The following PDE3A variants were observed in gnomAD, a reference collection of about 807,000 sequenced individuals.
PDE3A encodes cGMP-inhibited 3',5'-cyclic phosphodiesterase 3A.
In PDE3A, 43 loss-of-function variants were observed where a neutral mutation model predicts 98.3. That is an observed-to-expected ratio of 0.44 (90% CI 0.34 to 0.56). The LOEUF is 0.56. Among genes scored for constraint, PDE3A ranks in the 20% least tolerant of loss-of-function variants. PDE3A has a pLI of 0.01. For synonymous variants in PDE3A, 663 were observed against 567.9 expected, an observed-to-expected ratio of 1.17 and a Z score of -2.38; for missense variants, 1,427 against 1,440.7, an observed-to-expected ratio of 0.99 and a Z score of 0.15.
chr12:20,372,110 G>A (rs1485768975), intron 1 of PDE3A, among the ~76,000 whole-genome samples: 1 of 152,140 alleles, frequency 6.6e-6, no homozygotes, highest in Non-Finnish European at 1.5e-5. Flanking sequence ...TTAACCAGCA[G>A]CATTCATTTA....
At chr12:20,679,396 T>C (rs138846410) in intron 15 of PDE3A, among the ~76,000 whole-genome samples, 2,428 of 152,128 alleles carry the variant, frequency 0.016, 25 homozygotes, top group Non-Finnish European at 0.022. Flanking sequence ...TACTGGCGCC[T>C]GCCACCACGC....
At chr12:20,563,445 G>C (rs1056350465) in intron 2 of PDE3A, among the ~76,000 whole-genome samples, 1 of 826 alleles carries the variant, frequency 1.2e-3, no homozygotes, top group Admixed American at 0.033. Context: ...CTCATTATTA[G>C]TCTCTCAAAT....
chr12:20,678,161 G>C (rs1945687450), intron 15 of PDE3A, among the ~76,000 whole-genome samples: 1 of 152,152 alleles, frequency 6.6e-6, no homozygotes, highest in South Asian at 2.1e-4. Flanking sequence ...CCAAGGCTAG[G>C]ACTGCAGGAG....
chr12:20,628,360 G>A (rs570473143), intron 5 of PDE3A, among the ~76,000 whole-genome samples: 2 of 152,084 alleles, frequency 1.3e-5, no homozygotes, highest in Non-Finnish European at 2.9e-5. Context: ...AAATAAATGA[G>A]TCTTTTTAAT....
At chr12:20,546,256 G>T (rs1229976446) in intron 1 of PDE3A, among the ~76,000 whole-genome samples, 3 of 151,958 alleles carry the variant, frequency 2.0e-5, no homozygotes, top group Non-Finnish European at 4.4e-5. Flanking sequence ...AATTCTGTTA[G>T]CTTCTTTGGC....
chr12:20,487,663 AAT>A lies in PDE3A; in HGVS notation c.961-68995_961-68994del, dbSNP rs1472501624. The stretch of plus-strand genomic sequence containing the variant: ...GAGAGACTCAGGCTTAAGAAAAAAA[AAT>A]AAATAAATAAAAAAAGTGGTCAGTT... On this transcript the variant is annotated intron_variant, in intron 1 of 15. Coordinates refer to ENST00000359062, the MANE Select transcript of PDE3A (RefSeq NM_000921.5). Among the ~76,000 whole-genome samples the A allele has an allele frequency of 3.4e-3, 437 of 127,418 alleles. 3 individuals are homozygous for A. The Middle Eastern group carries it at 0.037, about 11-fold the overall frequency. The allele number at this position is 127,418 out of a possible 152,430, so 83.6% of individuals were successfully genotyped here.
chr12:20,663,886 A>G (rs1161397474), intron 15 of PDE3A, among the ~76,000 whole-genome samples: 2 of 152,166 alleles, frequency 1.3e-5, no homozygotes, highest in African/African-American at 4.8e-5. Context: ...GAGGGGCAGA[A>G]TAATATGATT....
At chr12:20,521,733 A>C (rs1946431678) in intron 1 of PDE3A, among the ~76,000 whole-genome samples, 1 of 152,106 alleles carries the variant, frequency 6.6e-6, no homozygotes, top group Non-Finnish European at 1.5e-5. Context: ...TCAATAGGGA[A>C]GGTACTAGGT....
chr12:20,390,711 C>T (rs1225513035), intron 1 of PDE3A, among the ~76,000 whole-genome samples: 3 of 151,862 alleles, frequency 2.0e-5, no homozygotes, highest in African/African-American at 7.3e-5. Flanking sequence ...GACCCTGTCT[C>T]CTTGAAGCTG....
At chr12:20,448,766 T>TTTTTTTTTG (rs1945007208) in intron 1 of PDE3A, among the ~76,000 whole-genome samples, 1 of 151,004 alleles carries the variant, frequency 6.6e-6, no homozygotes, top group East Asian at 2.0e-4. Flanking sequence ...TTTTTTTTTT[T>TTTTTTTTTG]TGAGATGGAG....
intron 2 of PDE3A, among the ~76,000 whole-genome samples, chr12:20,579,749 A>C (rs1422682773): frequency 6.6e-6 from 1 of 152,210 alleles, no homozygotes; most frequent in Non-Finnish European, 1.5e-5. Context: ...TCTACTCTGC[A>C]ATCAGCAGTA....
chr12:20,549,496 G>T (rs1389105501), intron 1 of PDE3A, among the ~76,000 whole-genome samples: 2 of 150,900 alleles, frequency 1.3e-5, no homozygotes, highest in African/African-American at 4.9e-5. Flanking sequence ...TAAACACTTT[G>T]TATTCTTCAA....
At chr12:20,419,573 C>G (rs1944477368) in intron 1 of PDE3A, among the ~76,000 whole-genome samples, 1 of 151,642 alleles carries the variant, frequency 6.6e-6, no homozygotes, top group Non-Finnish European at 1.5e-5. Context: ...AAAATAAAGT[C>G]AAGATATGTT....
Position 20,680,278 on chromosome 12 carries a change from A to G in PDE3A, c.*7A>G, listed in dbSNP as rs749581595. On this transcript the variant is annotated 3_prime_UTR_variant, in exon 16 of 16. Transcript: ENST00000359062. The stretch of plus-strand genomic sequence containing the variant: ...CCAAAAGCCAGACCAGTGACAATGG[A>G]TAGAATGGGCTGTGTTTCCAAACAG... The G allele has an allele frequency of 6.2e-7, 1 of 1,613,586 alleles. No individual in the cohort carries two copies. The highest frequency in any genetic ancestry group is 8.5e-7 in the Non-Finnish European group (1 of 1,179,690).
intron 1 of PDE3A, among the ~76,000 whole-genome samples, chr12:20,519,611 A>T (rs927263199): frequency 6.6e-6 from 1 of 152,232 alleles, no homozygotes; most frequent in East Asian, 1.9e-4. Context: ...TATAATTCAG[A>T]CACAGTATGT....
rs543414688 is a variant in PDE3A at position 20,665,923 on chromosome 12, A to T, written c.3184+11718A>T. On this transcript the variant is annotated intron_variant, in intron 15 of 15. Coordinates refer to ENST00000359062, the MANE Select transcript of PDE3A (RefSeq NM_000921.5). ...AAATGTGTAATGATTAAATCAGGAT[A>T]TTTAGAATATCTGTCACCTCGAGTA... is the stretch of plus-strand genomic sequence containing the variant. Among the ~76,000 whole-genome samples the T allele has an allele frequency of 2.1e-5, 3 of 140,814 alleles. 1 individual carries two copies. Among genetic ancestry groups the T allele is most frequent in the South Asian group, 4.6e-4 (2 of 4,342 alleles). 92.4% of individuals were successfully genotyped at this position (140,814 alleles called of 152,430 possible).
At chr12:20,372,404 G>A (rs908048154) in intron 1 of PDE3A, among the ~76,000 whole-genome samples, 2 of 151,984 alleles carry the variant, frequency 1.3e-5, no homozygotes, top group African/African-American at 2.4e-5. Flanking sequence ...TTTAATGAGG[G>A]CATGGGTGAG....
intron 1 of PDE3A, among the ~76,000 whole-genome samples, chr12:20,464,454 G>A (rs78696983): frequency 0.14 from 21,450 of 152,052 alleles, 2,371 homozygotes; most frequent in African/African-American, 0.31. Flanking sequence ...TGAGTAAGTT[G>A]TTTTTTCCCA....
At chr12:20,476,515 T>C (rs1181386468) in intron 1 of PDE3A, among the ~76,000 whole-genome samples, 1 of 152,228 alleles carries the variant, frequency 6.6e-6, no homozygotes, top group Non-Finnish European at 1.5e-5. Context: ...AATTCAATAC[T>C]TCTGCCTTAA....
Sources: allele counts gnomAD v4.1 joint callset (sites outside exome capture counted in the v4.1 genomes callset), GRCh38; gene constraint gnomAD v4.1.1; transcripts MANE v1.5; gene names NCBI Gene and HGNC (gene_info 2026-07-23, HGNC 2026-07-21).